PAXBP1: variants seen among roughly 807,000 people sequenced by gnomAD.
The protein encoded by PAXBP1 is PAX3- and PAX7-binding protein 1.
Under a neutral mutation model 119.9 loss-of-function variants are expected in PAXBP1, and 44 were observed. The observed-to-expected ratio is 0.37, with a 90% confidence interval of 0.29 to 0.47. The LOEUF is 0.47. Among genes scored for constraint, PAXBP1 ranks in the 20% least tolerant of loss-of-function variants. The probability of loss-of-function intolerance (pLI) is 0.99; values close to 1 mark genes in which losing one functional copy is unlikely to be tolerated. For missense variants in PAXBP1, 898 were observed against 1,134.1 expected (o/e 0.79, Z 2.99); for synonymous variants, 393 against 406.6 (o/e 0.97, Z 0.40).
intron 11 of PAXBP1, among the ~76,000 whole-genome samples, chr21:32,746,994 C>T (rs964018687): frequency 3.3e-5 from 5 of 149,288 alleles, no homozygotes; most frequent in African/African-American, 1.2e-4. Flanking sequence ...AACAGAAACC[C>T]AAGCACCACA....
intron 4 of PAXBP1, among the ~76,000 whole-genome samples, 186 bp downstream of exon 4, chr21:32,761,910 C>CCAGG (rs2044154444): frequency 6.6e-6 from 1 of 152,130 alleles, no homozygotes; most frequent in Non-Finnish European, 1.5e-5. Flanking sequence ...TGGTGACGCA[C>CCAGG]ACCTGTAGTC....
intron 8 of PAXBP1, among the ~76,000 whole-genome samples, chr21:32,754,532 C>T (rs936509731): frequency 5.3e-5 from 8 of 152,138 alleles, no homozygotes; most frequent in Non-Finnish European, 8.8e-5. Context: ...AAAGGACCTC[C>T]GCTGAACTAT....
intron 12 of PAXBP1, 45 bp from the exon 13 acceptor site, chr21:32,744,958 C>G: frequency 6.3e-7 from 1 of 1,577,334 alleles, no homozygotes. Flanking sequence ...CCAATTGTAC[C>G]TTTAATTTTT....
intron 15 of PAXBP1, chr21:32,741,665 T>G: frequency 4.5e-6 from 3 of 666,810 alleles, no homozygotes; most frequent in Non-Finnish European, 8.1e-6. Context: ...TGGCCAGTTT[T>G]TACACAGAAA....
At chr21:32,736,715 ATTAT>A (rs2146462888) in intron 17 of PAXBP1, among the ~76,000 whole-genome samples, 1 of 152,144 alleles carries the variant, frequency 6.6e-6, no homozygotes, top group East Asian at 1.9e-4. Flanking sequence ...ACTTAGTGTT[ATTAT>A]TTACTTTTTA....
chr21:32,761,954 G>A, intron 4 of PAXBP1, 142 bp downstream of exon 4: 2 of 799,692 alleles, frequency 2.5e-6, no homozygotes, highest in African/African-American at 1.7e-5. Flanking sequence ...AAGGGTGACT[G>A]TTTGAGTCCA....
chr21:32,765,805 C>T (rs951265698), intron 2 of PAXBP1, among the ~76,000 whole-genome samples: 1 of 151,886 alleles, frequency 6.6e-6, no homozygotes, highest in Admixed American at 6.5e-5. Flanking sequence ...CACTTTATCA[C>T]ATTATTAGAT....
intron 10 of PAXBP1, among the ~76,000 whole-genome samples, chr21:32,749,049 C>G (rs2043919081): frequency 6.6e-6 from 1 of 152,166 alleles, no homozygotes; most frequent in South Asian, 2.1e-4. Context: ...TCACAGATCA[C>G]TGCACAGATT....
chr21:32,738,308 A>G lies in PAXBP1; in HGVS notation c.2346T>C (p.Asn782=), dbSNP rs1385420165. The change falls in exon 16 of 18, where the codon AAT becomes AAC. Residue 782 remains asparagine (N), a synonymous_variant. Coordinates refer to ENST00000331923, the MANE Select transcript of PAXBP1 (RefSeq NM_016631.4). ...QFWSSVKLLG[N]FLQWYGIFSN... ...AGAAAATGCCATACCACTGAAGAAAATTGCCTAACAGCTGGAAAGAAGAAA... is the reference window on the plus strand; with the variant it reads ...AGAAAATGCCATACCACTGAAGAAAGTTGCCTAACAGCTGGAAAGAAGAAA... The G allele has an allele frequency of 1.9e-6, 3 of 1,586,246 alleles. No homozygotes were observed. The South Asian group carries it at 3.6e-5, about 19-fold the overall frequency.
intron 7 of PAXBP1, 32 bp from the exon 8 acceptor site, chr21:32,755,385 A>C (rs1569162239): frequency 6.3e-7 from 1 of 1,599,578 alleles, no homozygotes; most frequent in Non-Finnish European, 8.5e-7. Flanking sequence ...CGTAACACCA[A>C]ACTCCTCAGC....
rs1267644523 is a variant in PAXBP1 at position 32,764,328 on chromosome 21, A to G, written c.649+20T>C. The G allele has an allele frequency of 6.2e-7, 1 of 1,610,902 alleles. No individual in the cohort carries two copies. Among genetic ancestry groups the G allele is most frequent in the East Asian group, 2.2e-5 (1 of 44,608 alleles). ...CTTGAGGGTTTAGTTTAGTTCTGAG[A>G]AATACTTTTGAGTACACACCTGGAC... On this transcript the variant is annotated intron_variant, in intron 3 of 17. Coordinates refer to ENST00000331923, the MANE Select transcript of PAXBP1 (RefSeq NM_016631.4).
chr21:32,741,091 G>A (rs1601584490), intron 15 of PAXBP1, among the ~76,000 whole-genome samples: 2 of 152,326 alleles, frequency 1.3e-5, no homozygotes, highest in Non-Finnish European at 2.9e-5. Context: ...TATGGTGGGA[G>A]TAAGGAATAA....
At chr21:32,747,342 C>G (rs1205169276) in intron 11 of PAXBP1, among the ~76,000 whole-genome samples, 1 of 152,146 alleles carries the variant, frequency 6.6e-6, no homozygotes. Flanking sequence ...TAGTTCAGGA[C>G]AGCAGAGCAG....
chr21:32,740,645 T>G (rs2043766792), intron 15 of PAXBP1, among the ~76,000 whole-genome samples: 1 of 152,178 alleles, frequency 6.6e-6, no homozygotes, highest in African/African-American at 2.4e-5. Flanking sequence ...ATGAAACTTC[T>G]AGAAGAAAGG....
intron 8 of PAXBP1, among the ~76,000 whole-genome samples, chr21:32,754,515 T>A (rs1354547866): frequency 6.6e-6 from 1 of 152,112 alleles, no homozygotes; most frequent in Non-Finnish European, 1.5e-5. Context: ...GTTTAAAACA[T>A]CCAGTTAAAG....
At chr21:32,760,587 C>T (rs948868968) in intron 5 of PAXBP1, among the ~76,000 whole-genome samples, 2 of 152,048 alleles carry the variant, frequency 1.3e-5, no homozygotes, top group African/African-American at 4.8e-5. Context: ...AAAAAATAAG[C>T]TACACGCACA....
intron 2 of PAXBP1, among the ~76,000 whole-genome samples, chr21:32,766,121 C>T (rs541966533): frequency 6.6e-5 from 10 of 152,202 alleles, no homozygotes; most frequent in East Asian, 1.9e-4. Flanking sequence ...AGCAACAGAA[C>T]GAGATTCCAC....
At chr21:32,758,563 A>G (rs757871577) in intron 7 of PAXBP1, among the ~76,000 whole-genome samples, 3 of 151,810 alleles carry the variant, frequency 2.0e-5, no homozygotes, top group Non-Finnish European at 4.4e-5. Context: ...ATGATATCCA[A>G]TGAAATGGTT....
chr21:32,737,151 T>C (rs1169076654), intron 17 of PAXBP1, 103 bp downstream of exon 17: 5 of 997,318 alleles, frequency 5.0e-6, no homozygotes, highest in Admixed American at 3.6e-5. Flanking sequence ...TAAGTGAACA[T>C]ACAATTTAAA....
Sources: allele counts gnomAD v4.1 joint callset (sites outside exome capture counted in the v4.1 genomes callset), GRCh38; gene constraint gnomAD v4.1.1; transcripts MANE v1.5; gene names NCBI Gene and HGNC (gene_info 2026-07-23, HGNC 2026-07-21).